Variants in CARNMT1 observed in about 807,000 individuals in gnomAD.
CARNMT1 encodes the protein protein-L-histidine N-pros-methyltransferase CARNMT1.
CARNMT1 carries 28 observed loss-of-function variants against 49.6 expected under a neutral mutation model. That is an observed-to-expected ratio of 0.56 (90% CI 0.42 to 0.77). The LOEUF (loss-of-function observed/expected upper bound fraction) is 0.77, where lower values mean the gene tolerates loss of function less well. CARNMT1 is among the 30% of genes least tolerant of loss of function. CARNMT1 has a pLI of 0.00. For missense variants in CARNMT1, 421 were observed against 512.6 expected (o/e 0.82, Z 1.73); for synonymous variants, 178 against 175.0 (o/e 1.02, Z -0.13).
chr9:75,002,024 A>G (rs1833373483), intron 3 of CARNMT1, among the ~76,000 whole-genome samples: 3 of 152,198 alleles, frequency 2.0e-5, no homozygotes, highest in Admixed American at 1.3e-4. Context: ...CCTAGTTAAT[A>G]AGGCCCAAAT....
At chr9:75,018,845 T>TA (rs1036519211) in intron 1 of CARNMT1, among the ~76,000 whole-genome samples, 1 of 151,704 alleles carries the variant, frequency 6.6e-6, no homozygotes, top group Non-Finnish European at 1.5e-5. Context: ...CGCCCACCAG[T>TA]AATCCCAGCT....
chr9:75,023,777 A>G (rs1305427499), intron 1 of CARNMT1, among the ~76,000 whole-genome samples: 1 of 152,232 alleles, frequency 6.6e-6, no homozygotes, highest in Non-Finnish European at 1.5e-5. Flanking sequence ...CACAAAGCCT[A>G]AGGCTCCTTC....
chr9:74,983,100 G>A lies in CARNMT1; in HGVS notation c.*667C>T, dbSNP rs1031191557. The A allele has an allele frequency of 6.6e-5, 10 of 152,032 alleles. No individual in the cohort carries two copies. The highest frequency in any genetic ancestry group is 2.4e-4 in the African/African-American group (10 of 41,404). 9.4% of individuals were successfully genotyped at this position (152,032 alleles called of 1,614,324 possible). ...GAATGATAAAATAGACACAGGCCAG[G>A]CGCGGTGGTACATGCCTACAGTCCT... On this transcript the variant is annotated 3_prime_UTR_variant, in exon 8 of 8. Coordinates refer to ENST00000376834, the MANE Select transcript of CARNMT1 (RefSeq NM_152420.3).
chr9:75,017,101 C>T (rs1389445695), intron 2 of CARNMT1, 152 bp downstream of exon 2: 4 of 609,856 alleles, frequency 6.6e-6, no homozygotes, highest in Non-Finnish European at 1.1e-5. Context: ...GGCTATTAAG[C>T]CTAATCAAAT....
At chr9:74,997,755 C>T (rs1410142627) in intron 5 of CARNMT1, among the ~76,000 whole-genome samples, 3 of 152,076 alleles carry the variant, frequency 2.0e-5, no homozygotes, top group African/African-American at 7.2e-5. Flanking sequence ...TCCCCAGTCA[C>T]TCTGTAACCC....
intron 3 of CARNMT1, among the ~76,000 whole-genome samples, chr9:75,015,546 G>A (rs963649002): frequency 1.3e-5 from 2 of 151,976 alleles, no homozygotes; most frequent in African/African-American, 2.4e-5. Flanking sequence ...AGCACTTTGG[G>A]AGGAAGACAC....
chr9:75,015,683 G>A (rs1248744599), intron 3 of CARNMT1: 1 of 151,838 alleles, frequency 6.6e-6, no homozygotes, highest in Admixed American at 6.6e-5. Context: ...CTACTTCGGA[G>A]TCTGAGGCAT....
intron 3 of CARNMT1, among the ~76,000 whole-genome samples, chr9:75,004,482 C>A (rs543987006): frequency 6.6e-6 from 1 of 152,236 alleles, no homozygotes; most frequent in Non-Finnish European, 1.5e-5. Flanking sequence ...CACTTGAAAT[C>A]TTGACTTGAA....
In CARNMT1 at chr9:75,016,378, G is replaced by A. The variant is rs1414347437; in HGVS notation, c.480C>T (p.Ser160=). ...ASTFDMDKLK[S]TLKQFVRDWS... ...AGTCTCTCACAAACTGTTTCAGCGTGGATTTTAACTTATCCATGTCAAATG... is the reference window on the plus strand; with the variant it reads ...AGTCTCTCACAAACTGTTTCAGCGTAGATTTTAACTTATCCATGTCAAATG... The change falls in exon 3 of 8, where the codon TCC becomes TCT. Residue 160 remains serine (S), a synonymous_variant. Coordinates refer to ENST00000376834, the MANE Select transcript of CARNMT1 (RefSeq NM_152420.3). 4 of 1,613,744 alleles carry A rather than the reference G, an allele frequency of 2.5e-6. No individual in the cohort carries two copies. The African/African-American group carries it at 5.3e-5, about 22-fold the overall frequency.
chr9:75,017,229 G>C (rs777612873), intron 2 of CARNMT1, 24 bp downstream of exon 2: 1 of 1,582,464 alleles, frequency 6.3e-7, no homozygotes, highest in East Asian at 2.2e-5. Flanking sequence ...AAAATAAACA[G>C]AAATAGAACA....
chr9:75,024,977 TAAG>T, intron 1 of CARNMT1, among the ~76,000 whole-genome samples: 1 of 152,316 alleles, frequency 6.6e-6, no homozygotes, highest in African/African-American at 2.4e-5. Context: ...AAGAAAATAT[TAAG>T]AAAGTCGTAG....
At chr9:75,017,548 G>T in intron 1 of CARNMT1, 100 bp from the exon 2 acceptor site, 1 of 926,524 alleles carries the variant, frequency 1.1e-6, no homozygotes, top group Non-Finnish European at 1.7e-6. Flanking sequence ...TCCTTATTAT[G>T]CTGGATACTG....
chr9:74,987,892 T>G lies in CARNMT1; in HGVS notation c.1025-2882A>C, dbSNP rs149791577. Among the ~76,000 whole-genome samples the G allele has an allele frequency of 2.6e-3, 392 of 152,262 alleles. 2 individuals are homozygous for G. The highest frequency in any genetic ancestry group is 8.9e-3 in the African/African-American group (371 of 41,570). The stretch of plus-strand genomic sequence containing the variant: ...ATATATAATTTGAATTTGCATCTCT[T>G]TGAGGCTGAGCAGTTTTTCATATTC... On this transcript the variant is annotated intron_variant, in intron 6 of 7. Transcript: ENST00000376834.
intron 3 of CARNMT1, among the ~76,000 whole-genome samples, chr9:75,005,063 T>A (rs746145188): frequency 4.5e-4 from 68 of 151,942 alleles, no homozygotes; most frequent in African/African-American, 1.0e-3. Context: ...CTTGGAAAAA[T>A]TTTTTTTTAA....
intron 3 of CARNMT1, among the ~76,000 whole-genome samples, chr9:75,003,529 A>G (rs1833423069): frequency 6.6e-6 from 1 of 152,252 alleles, no homozygotes. Context: ...TAACACATTT[A>G]CTGTTTGGCA....
intron 1 of CARNMT1, among the ~76,000 whole-genome samples, chr9:75,017,776 T>C (rs1334951366): frequency 6.6e-6 from 1 of 152,196 alleles, no homozygotes; most frequent in Non-Finnish European, 1.5e-5. Flanking sequence ...CAAAACCAGC[T>C]TTAGATTTTT....
chr9:75,027,838 G>A (rs1027939286), intron 1 of CARNMT1, among the ~76,000 whole-genome samples, 174 bp downstream of exon 1: 2 of 152,172 alleles, frequency 1.3e-5, no homozygotes, highest in African/African-American at 2.4e-5. Flanking sequence ...TGCAGGGCCG[G>A]GAGGGGCTGG....
In CARNMT1 at chr9:74,983,482, G is replaced by T. The variant is rs531813742; in HGVS notation, c.*285C>A. 10 of 244,766 alleles carry T rather than the reference G, an allele frequency of 4.1e-5. No homozygotes were observed. Among genetic ancestry groups the T allele is most frequent in the African/African-American group, 2.2e-5 (1 of 45,024 alleles). The allele number at this position is 244,766 out of a possible 1,614,324, so 15.2% of individuals were successfully genotyped here. On this transcript the variant is annotated 3_prime_UTR_variant, in exon 8 of 8. Transcript: ENST00000376834. ...GCATCATGAAGACACTGGAGATTAG[G>T]TTTTTTTCCTACTGAAACACAATTC...
At chr9:75,025,266 T>G (rs974552607) in intron 1 of CARNMT1, among the ~76,000 whole-genome samples, 1 of 151,540 alleles carries the variant, frequency 6.6e-6, no homozygotes, top group Non-Finnish European at 1.5e-5. Flanking sequence ...TTTGATGAAA[T>G]CTGTTTACTG....
Sources: allele counts gnomAD v4.1 joint callset (sites outside exome capture counted in the v4.1 genomes callset), GRCh38; gene constraint gnomAD v4.1.1; transcripts MANE v1.5; gene names NCBI Gene and HGNC (gene_info 2026-07-23, HGNC 2026-07-21).